Variants in MAP2K1 observed in about 807,000 individuals in gnomAD.
The protein encoded by MAP2K1 is mitogen-activated protein kinase kinase 1.
Under a neutral mutation model 46.3 loss-of-function variants are expected in MAP2K1, and 16 were observed. The observed-to-expected ratio is 0.35, with a 90% CI of 0.23 to 0.52. The LOEUF is 0.52. Among genes scored for constraint, MAP2K1 ranks in the 20% least tolerant of loss-of-function variants. The probability of loss-of-function intolerance (pLI) is 0.94; values close to 1 mark genes in which losing one functional copy is unlikely to be tolerated. For synonymous variants in MAP2K1, 183 were observed against 185.6 expected (o/e 0.99, Z 0.11); for missense variants, 263 against 497.1 (o/e 0.53, Z 4.48).
At chr15:66,388,744 G>A (rs2093349268) in intron 1 of MAP2K1, among the ~76,000 whole-genome samples, 4 of 151,802 alleles carry the variant, frequency 2.6e-5, no homozygotes, top group Admixed American at 2.6e-4. Flanking sequence ...ATGATCACAA[G>A]GTCGATGGTG....
intron 1 of MAP2K1, among the ~76,000 whole-genome samples, chr15:66,394,172 T>G (rs2093362484): frequency 6.6e-6 from 1 of 152,232 alleles, no homozygotes; most frequent in Admixed American, 6.5e-5. Context: ...AAAATTTCTT[T>G]GAAGGCTATA....
At chr15:66,489,329 C>CCCA (rs1555421031) in intron 9 of MAP2K1, 53 bp downstream of exon 9, 14 of 1,511,168 alleles carry the variant, frequency 9.3e-6, no homozygotes, top group South Asian at 3.4e-5. Flanking sequence ...TGTCAGGCTC[C>CCCA]CCACCCCATT....
At chr15:66,432,009 C>T (rs1240216243) in intron 1 of MAP2K1, among the ~76,000 whole-genome samples, 1 of 152,110 alleles carries the variant, frequency 6.6e-6, no homozygotes, top group Non-Finnish European at 1.5e-5. Flanking sequence ...CCCATGTTCC[C>T]GCAAAGGACG....
chr15:66,419,348 C>T (rs1209004162), intron 1 of MAP2K1, among the ~76,000 whole-genome samples: 2 of 151,708 alleles, frequency 1.3e-5, no homozygotes, highest in Admixed American at 6.6e-5. Flanking sequence ...GGCAAAACCC[C>T]GTCTCTACTA....
chr15:66,404,189 A>T (rs2093390016), intron 1 of MAP2K1, among the ~76,000 whole-genome samples: 1 of 152,178 alleles, frequency 6.6e-6, no homozygotes, highest in Non-Finnish European at 1.5e-5. Context: ...CGTTCACTAA[A>T]GGAAAGACCA....
At chr15:66,433,197 A>G (rs908245909) in intron 1 of MAP2K1, among the ~76,000 whole-genome samples, 5 of 152,132 alleles carry the variant, frequency 3.3e-5, no homozygotes, top group Admixed American at 1.3e-4. Context: ...CCAGCCACAC[A>G]TGTTCTGGGT....
At position 66,434,971 on chromosome 15, in the gene MAP2K1, C is replaced by A. The variant is rs960650736; in HGVS notation, c.81-56C>A. The stretch of plus-strand genomic sequence containing the variant: ...CTTTCTTTCCATGATAGGAGTACTT[C>A]TTTGGGTTGACTTCTCTGGTGACAG... On this transcript the variant is annotated intron_variant, in intron 1 of 10. Coordinates refer to ENST00000307102, the MANE Select transcript of MAP2K1 (RefSeq NM_002755.4). 35 of 1,145,028 alleles carry A rather than the reference C, an allele frequency of 3.1e-5. No homozygotes were observed. The Middle Eastern group carries it at 1.5e-3, about 49-fold the overall frequency. 70.9% of individuals were successfully genotyped at this position (1,145,028 alleles called of 1,614,324 possible).
intron 5 of MAP2K1, among the ~76,000 whole-genome samples, chr15:66,446,004 A>T (rs976574627): frequency 5.9e-5 from 9 of 152,020 alleles, no homozygotes; most frequent in African/African-American, 2.2e-4. Context: ...CGGGCAGATC[A>T]CCTGAGGTCA....
intron 1 of MAP2K1, chr15:66,415,019 T>C (rs2093421430): frequency 2.1e-6 from 1 of 467,332 alleles, no homozygotes; most frequent in Non-Finnish European, 4.3e-6. Context: ...AGCACCATGG[T>C]AACCCCTGAG....
intron 5 of MAP2K1, among the ~76,000 whole-genome samples, chr15:66,445,920 A>G (rs1200219442): frequency 6.6e-6 from 1 of 150,914 alleles, no homozygotes; most frequent in East Asian, 1.9e-4. Context: ...TTGACTTCTC[A>G]TTAGTTTAAA....
chr15:66,412,313 T>C (rs1045379632), intron 1 of MAP2K1, among the ~76,000 whole-genome samples: 9 of 152,210 alleles, frequency 5.9e-5, no homozygotes, highest in African/African-American at 1.9e-4. Context: ...GACCTGGCTG[T>C]ACTGTGAAAG....
intron 5 of MAP2K1, among the ~76,000 whole-genome samples, chr15:66,475,744 G>C (rs1567022819): frequency 1.3e-5 from 2 of 152,162 alleles, no homozygotes; most frequent in Admixed American, 6.5e-5. Flanking sequence ...AATTTAGAAC[G>C]AGTCCACGGG....
intron 5 of MAP2K1, among the ~76,000 whole-genome samples, chr15:66,476,301 G>T (rs546579190): frequency 6.6e-6 from 1 of 152,304 alleles, no homozygotes; most frequent in East Asian, 1.9e-4. Context: ...GAAAGAGAAC[G>T]CAAGGCCCAG....
intron 5 of MAP2K1, among the ~76,000 whole-genome samples, chr15:66,457,093 G>GT (rs1289687489): frequency 1.3e-5 from 2 of 151,914 alleles, no homozygotes; most frequent in African/African-American, 4.8e-5. Flanking sequence ...TTTGTGACAT[G>GT]TAACAATTAT....
intron 1 of MAP2K1, among the ~76,000 whole-genome samples, chr15:66,416,645 T>C (rs1255528791): frequency 2.0e-5 from 3 of 152,170 alleles, no homozygotes; most frequent in African/African-American, 4.8e-5. Context: ...CTATGTTTTT[T>C]CTCTTTTTGC....
At chr15:66,479,644 C>G (rs1248623799) in intron 5 of MAP2K1, among the ~76,000 whole-genome samples, 1 of 152,168 alleles carries the variant, frequency 6.6e-6, no homozygotes, top group Non-Finnish European at 1.5e-5. Flanking sequence ...TGTGTGCATG[C>G]ATGTATCCAT....
intron 5 of MAP2K1, among the ~76,000 whole-genome samples, chr15:66,480,384 G>A (rs548740739): frequency 1.3e-5 from 2 of 152,152 alleles, no homozygotes; most frequent in Non-Finnish European, 2.9e-5. Flanking sequence ...GGCATCGCCC[G>A]GCTTTTGTTT....
intron 1 of MAP2K1, among the ~76,000 whole-genome samples, chr15:66,428,155 C>T (rs975845921): frequency 9.9e-5 from 15 of 151,878 alleles, no homozygotes; most frequent in African/African-American, 3.1e-4. Context: ...TCTCAGAAAC[C>T]GAACACACCA....
intron 5 of MAP2K1, among the ~76,000 whole-genome samples, chr15:66,467,543 C>T (rs28837852): frequency 7.2e-4 from 109 of 152,266 alleles, no homozygotes; most frequent in African/African-American, 2.3e-3. Flanking sequence ...ATGTCAGTCT[C>T]TTTCAATATT....
Sources: allele counts gnomAD v4.1 joint callset (sites outside exome capture counted in the v4.1 genomes callset), GRCh38; gene constraint gnomAD v4.1.1; transcripts MANE v1.5; gene names NCBI Gene and HGNC (gene_info 2026-07-23, HGNC 2026-07-21).